The following INTS4 variants were observed in gnomAD, a reference collection of about 807,000 sequenced individuals.
INTS4 encodes integrator complex subunit 4.
In INTS4, 70 loss-of-function variants were observed where a neutral mutation model predicts 119.5. That is an observed-to-expected ratio of 0.59 (90% CI 0.48 to 0.71). The LOEUF (loss-of-function observed/expected upper bound fraction) is 0.71, where lower values mean the gene tolerates loss of function less well. Ranked by LOEUF, INTS4 falls within the 30% of genes least tolerant of loss-of-function variation. The probability of loss-of-function intolerance (pLI) is 0.00; values close to 1 mark genes in which losing one functional copy is unlikely to be tolerated. For synonymous variants in INTS4, 316 were observed against 419.6 expected (o/e 0.75, Z 3.02); for missense variants, 867 against 1,173.2 (o/e 0.74, Z 3.81).
At chr11:77,887,677 C>A (rs899567946) in intron 21 of INTS4, among the ~76,000 whole-genome samples, 1 of 151,896 alleles carries the variant, frequency 6.6e-6, no homozygotes, top group South Asian at 2.1e-4. Flanking sequence ...AAAACCCCAT[C>A]GTCTCAGCCC....
intron 22 of INTS4, among the ~76,000 whole-genome samples, chr11:77,883,170 T>C (rs2136358231): frequency 6.6e-6 from 1 of 152,234 alleles, no homozygotes; most frequent in African/African-American, 2.4e-5. Flanking sequence ...ATCTCTAAAA[T>C]AAACCAAATT....
intron 22 of INTS4, among the ~76,000 whole-genome samples, chr11:77,883,007 C>G (rs983842235): frequency 6.6e-6 from 1 of 152,020 alleles, no homozygotes; most frequent in Admixed American, 6.6e-5. Flanking sequence ...AGGAGGCAGA[C>G]AGAGGTTGCA....
At chr11:77,923,985 G>C (rs1953430992) in intron 12 of INTS4, among the ~76,000 whole-genome samples, 1 of 150,192 alleles carries the variant, frequency 6.7e-6, no homozygotes. Context: ...GGGTGGTCTT[G>C]AACTCCTGAC....
chr11:77,879,132 A>G lies in INTS4; in HGVS notation c.2714-5T>C. On this transcript the variant is annotated splice_polypyrimidine_tract_variant and splice_region_variant and intron_variant, in intron 22 of 22. Coordinates refer to ENST00000534064, the MANE Select transcript of INTS4 (RefSeq NM_033547.4). ...TCACTTCCACCTGGCATGCCTCTGA[A>G]AAAAAGATAAAAGAAATCCTCTATA... 6.2e-7 allele frequency: 1 copy of G among 1,613,924 alleles called. No homozygotes were observed. The highest frequency in any genetic ancestry group is 1.3e-5 in the African/African-American group (1 of 75,020).
rs548752453 is a variant in INTS4, at chr11:77,947,081, A to G, written c.919-5830T>C. On this transcript the variant is annotated intron_variant, in intron 8 of 22. Transcript: ENST00000534064. ...GAAGAAAGAATTTCTGACCTTGAAG[A>G]CAGGTCTTTCGAAATAACCCATTAA... is the stretch of plus-strand genomic sequence containing the variant. Among the ~76,000 whole-genome samples, 16 of 150,792 alleles carry G rather than the reference A, an allele frequency of 1.1e-4. No individual in the cohort carries two copies. In the South Asian group the frequency reaches 3.3e-3, roughly 31 times the overall value.
Position 77,933,760 on chromosome 11 carries a change from G to A in INTS4, c.1165+4891C>T, listed in dbSNP as rs557294514. ...TGAAGAGCCCCTCCGCCCAGCAGCCGCCCGTCTGGGAAGTGAGGAGCGTCT... is the reference window on the plus strand; with the variant it reads ...TGAAGAGCCCCTCCGCCCAGCAGCCACCCGTCTGGGAAGTGAGGAGCGTCT... On this transcript the variant is annotated intron_variant, in intron 10 of 22. Transcript: ENST00000534064. 7.6e-4 allele frequency among the ~76,000 whole-genome samples: 115 copies of A among 151,394 alleles called. 1 individual carries two copies. Among genetic ancestry groups the A allele is most frequent in the African/African-American group, 2.7e-3 (111 of 41,224 alleles).
At chr11:77,897,676 T>TA (rs1443636995) in intron 18 of INTS4, among the ~76,000 whole-genome samples, 1 of 151,300 alleles carries the variant, frequency 6.6e-6, no homozygotes, top group Non-Finnish European at 1.5e-5. Flanking sequence ...AATTTTTTTT[T>TA]TTTTATTTTT....
rs1458898917 is a variant in INTS4, at chr11:77,921,489, G to A, written c.1631-16C>T. 1.9e-6 allele frequency: 3 copies of A among 1,586,622 alleles called. No homozygotes were observed. Among genetic ancestry groups the A allele is most frequent in the Non-Finnish European group, 2.6e-6 (3 of 1,155,686 alleles). ...ACTGCAATATCTGATAGATGACTGG[G>A]TTAAGTAAACTTGGAAGTATAAAAG... On this transcript the variant is annotated splice_polypyrimidine_tract_variant and intron_variant, in intron 13 of 22. Coordinates refer to ENST00000534064, the MANE Select transcript of INTS4 (RefSeq NM_033547.4).
At chr11:77,906,514 G>GCCTTGCAA (rs1307417772) in intron 16 of INTS4, among the ~76,000 whole-genome samples, 1 of 152,202 alleles carries the variant, frequency 6.6e-6, no homozygotes, top group East Asian at 1.9e-4. Context: ...GGGTTTCACA[G>GCCTTGCAA]AGGCTTGGAA....
chr11:77,984,866 TAGGAAAAAAA>T (rs1856390539), intron 2 of INTS4, among the ~76,000 whole-genome samples: 2 of 132,120 alleles, frequency 1.5e-5, no homozygotes, highest in African/African-American at 2.9e-5. Context: ...GAGACCTTGT[TAGGAAAAAAA>T]AGGGAAAAAA....
At chr11:77,909,433 TTCCTC>T (rs1463242817) in intron 15 of INTS4, among the ~76,000 whole-genome samples, 1 of 152,234 alleles carries the variant, frequency 6.6e-6, no homozygotes, top group Admixed American at 6.5e-5. Context: ...GAGGGCTCAT[TTCCTC>T]ATAGGTTGCA....
At chr11:77,889,824 A>T (rs949398432) in intron 21 of INTS4, among the ~76,000 whole-genome samples, 1 of 152,202 alleles carries the variant, frequency 6.6e-6, no homozygotes, top group Non-Finnish European at 1.5e-5. Flanking sequence ...TAAAAGGTTT[A>T]GCCTTGCGTG....
chr11:77,980,733 G>A (rs1258146487), intron 3 of INTS4, among the ~76,000 whole-genome samples: 2 of 152,158 alleles, frequency 1.3e-5, no homozygotes, highest in Non-Finnish European at 2.9e-5. Flanking sequence ...GCTCACGCCT[G>A]TAATTCCAGC....
At chr11:77,945,108 A>G (rs1196495641) in intron 8 of INTS4, among the ~76,000 whole-genome samples, 4 of 152,234 alleles carry the variant, frequency 2.6e-5, no homozygotes, top group Admixed American at 2.0e-4. Flanking sequence ...CACCACAGGG[A>G]AGGGAGTGAG....
At chr11:77,952,204 C>A (rs966004686) in intron 8 of INTS4, among the ~76,000 whole-genome samples, 63 of 152,302 alleles carry the variant, frequency 4.1e-4, no homozygotes, top group Non-Finnish European at 7.4e-4. Flanking sequence ...TTAGCTTGCA[C>A]AGAGATACTA....
chr11:77,964,952 A>G (rs925904657), intron 4 of INTS4, among the ~76,000 whole-genome samples: 7 of 152,200 alleles, frequency 4.6e-5, no homozygotes, highest in Non-Finnish European at 7.3e-5. Context: ...TATTTTTGGG[A>G]TACAATGTGA....
intron 4 of INTS4, among the ~76,000 whole-genome samples, chr11:77,969,588 G>T (rs1855631905): frequency 6.6e-6 from 1 of 152,030 alleles, no homozygotes; most frequent in Non-Finnish European, 1.5e-5. Flanking sequence ...TGCTCAAGCT[G>T]ATCTTGAACA....
chr11:77,954,410 A>G (rs901829462), intron 8 of INTS4, among the ~76,000 whole-genome samples: 1 of 152,010 alleles, frequency 6.6e-6, no homozygotes, highest in Admixed American at 6.6e-5. Context: ...TCAGCCTCCT[A>G]AAGTGCTAGG....
At chr11:77,890,142 G>A (rs1410424066) in intron 21 of INTS4, among the ~76,000 whole-genome samples, 5 of 152,140 alleles carry the variant, frequency 3.3e-5, no homozygotes, top group Non-Finnish European at 7.3e-5. Context: ...AACCACTAAT[G>A]TGGAAAAAAA....
Sources: allele counts gnomAD v4.1 joint callset (sites outside exome capture counted in the v4.1 genomes callset), GRCh38; gene constraint gnomAD v4.1.1; transcripts MANE v1.5; gene names NCBI Gene and HGNC (gene_info 2026-07-23, HGNC 2026-07-21).